SPHKAP: variants seen among roughly 807,000 people sequenced by gnomAD.
SPHKAP encodes A-kinase anchor protein SPHKAP.
A neutral mutation model predicts 137.5 loss-of-function variants in SPHKAP; 67 were observed. That is an observed-to-expected ratio of 0.49 (90% CI 0.40 to 0.60). SPHKAP has a LOEUF of 0.60. SPHKAP is among the 20% of genes least tolerant of loss of function. The probability of loss-of-function intolerance (pLI) is 0.00; values close to 1 mark genes in which losing one functional copy is unlikely to be tolerated. For missense variants in SPHKAP, 2,097 were observed against 2,069.3 expected (o/e 1.01, Z -0.26); for synonymous variants, 813 against 785.3 (o/e 1.04, Z -0.59).
At chr2:228,099,006 C>CT (rs1698098792) in intron 3 of SPHKAP, among the ~76,000 whole-genome samples, 1 of 152,100 alleles carries the variant, frequency 6.6e-6, no homozygotes, top group South Asian at 2.1e-4. Flanking sequence ...TTTATAGTCT[C>CT]TTTTTCTGTG....
intron 3 of SPHKAP, among the ~76,000 whole-genome samples, chr2:228,029,702 G>A (rs1280679069): frequency 6.6e-6 from 1 of 152,158 alleles, no homozygotes; most frequent in Non-Finnish European, 1.5e-5. Context: ...TCATGATCTA[G>A]GGAAGTTTGA....
At chr2:228,021,608 A>G in intron 6 of SPHKAP, 103 bp downstream of exon 6, 1 of 1,349,450 alleles carries the variant, frequency 7.4e-7, no homozygotes, top group Non-Finnish European at 1.0e-6. Context: ...AAAGACTGTG[A>G]TGTGTCAGCC....
intron 5 of SPHKAP, among the ~76,000 whole-genome samples, chr2:228,024,074 T>TTGA (rs1353267701): frequency 3.9e-5 from 6 of 152,218 alleles, no homozygotes; most frequent in Admixed American, 6.5e-5. Context: ...AATCCATGTG[T>TTGA]TGATGACATT....
intron 2 of SPHKAP, among the ~76,000 whole-genome samples, chr2:228,127,333 C>A (rs1699108113): frequency 1.3e-5 from 2 of 152,222 alleles, no homozygotes; most frequent in South Asian, 2.1e-4. Context: ...TTAATAAAGG[C>A]ATAAAACCAT....
At chr2:227,986,094 C>T (rs1054690035) in intron 11 of SPHKAP, among the ~76,000 whole-genome samples, 2 of 152,190 alleles carry the variant, frequency 1.3e-5, no homozygotes, top group Non-Finnish European at 2.9e-5. Context: ...GTGACTCTAA[C>T]GTGCACTAAA....
Position 228,019,533 on chromosome 2 carries a change from A to G in SPHKAP, c.1321T>C (p.Ser441Pro). The G allele has an allele frequency of 6.2e-7, 1 of 1,614,184 alleles. No individual in the cohort carries two copies. Among genetic ancestry groups the G allele is most frequent in the Non-Finnish European group, 8.5e-7 (1 of 1,180,028 alleles). The change falls in exon 7 of 12, where the codon TCT (serine) becomes CCT (proline). Residue 441 changes from serine (S) to proline (P), a missense_variant. Ser to Pro is a moderately conservative substitution (Grantham distance 74). Transcript: ENST00000392056. ...SCYSTKDTVV[S>P]RSWNELPKIV... ...TTGGGGAGCTCATTCCATGACCGAG[A>G]AACCACTGTATCTTTTGTGGAATAG...
chr2:228,090,644 G>T (rs542744983), intron 3 of SPHKAP, among the ~76,000 whole-genome samples: 3 of 152,144 alleles, frequency 2.0e-5, no homozygotes, highest in Non-Finnish European at 4.4e-5. Context: ...GTTGTGGGAG[G>T]TGTTTTGGTT....
intron 5 of SPHKAP, 82 bp from the exon 6 acceptor site, chr2:228,022,048 G>T: frequency 1.4e-6 from 2 of 1,455,084 alleles, no homozygotes; most frequent in Non-Finnish European, 1.8e-6. Context: ...TTTCCACCAA[G>T]CTCTCCTGTT....
chr2:228,177,989 A>G (rs997442132), intron 1 of SPHKAP, among the ~76,000 whole-genome samples: 1 of 152,200 alleles, frequency 6.6e-6, no homozygotes, highest in Non-Finnish European at 1.5e-5. Context: ...CTCTCTTAAC[A>G]TTCAAATTCA....
intron 11 of SPHKAP, among the ~76,000 whole-genome samples, chr2:227,984,144 A>G (rs1693116197): frequency 6.6e-6 from 1 of 152,074 alleles, no homozygotes; most frequent in African/African-American, 2.4e-5. Context: ...TACTAAAAAT[A>G]CAAAAATTAA....
At chr2:227,985,072 AC>A (rs1308528779) in intron 11 of SPHKAP, among the ~76,000 whole-genome samples, 1 of 152,006 alleles carries the variant, frequency 6.6e-6, no homozygotes, top group East Asian at 1.9e-4. Flanking sequence ...AAGCCCTAAC[AC>A]CAGCTTCTTT....
chr2:228,080,777 TAAAATAAAAC>T (rs1697342193), intron 3 of SPHKAP, among the ~76,000 whole-genome samples: 1 of 71,214 alleles, frequency 1.4e-5, no homozygotes, highest in South Asian at 4.7e-4. Context: ...TAAAATAAAA[TAAAATAAAAC>T]CAAACCACAA....
intron 1 of SPHKAP, among the ~76,000 whole-genome samples, chr2:228,166,679 A>G (rs959823405): frequency 2.0e-5 from 3 of 152,182 alleles, no homozygotes; most frequent in Admixed American, 2.0e-4. Flanking sequence ...AAATGTTATC[A>G]TTAATATTTT....
At chr2:228,021,293 G>A (rs542010726) in intron 6 of SPHKAP, among the ~76,000 whole-genome samples, 120 of 152,258 alleles carry the variant, frequency 7.9e-4, no homozygotes, top group African/African-American at 2.7e-3. Flanking sequence ...GATAACTGGC[G>A]CCAGATCTCA....
At chr2:228,081,759 G>A (rs1299889854) in intron 3 of SPHKAP, among the ~76,000 whole-genome samples, 2 of 152,154 alleles carry the variant, frequency 1.3e-5, no homozygotes, top group Non-Finnish European at 2.9e-5. Flanking sequence ...CATGTAAGTA[G>A]GGATTAGAAT....
intron 5 of SPHKAP, 92 bp downstream of exon 5, chr2:228,025,302 C>T: frequency 7.6e-7 from 1 of 1,314,214 alleles, no homozygotes; most frequent in Non-Finnish European, 1.0e-6. Flanking sequence ...GTTACAGAAG[C>T]TTATGTGTAG....
chr2:228,113,063 T>C (rs1698568981), intron 2 of SPHKAP, among the ~76,000 whole-genome samples: 1 of 152,152 alleles, frequency 6.6e-6, no homozygotes. Flanking sequence ...GAAGAAATGT[T>C]TGGACGAGAG....
chr2:228,022,005 G>C, intron 5 of SPHKAP, 39 bp from the exon 6 acceptor site: 1 of 1,531,508 alleles, frequency 6.5e-7, no homozygotes, highest in Non-Finnish European at 8.7e-7. Context: ...ATTCAAAAGG[G>C]AAAATAAAAG....
At chr2:228,170,233 G>T (rs970310328) in intron 1 of SPHKAP, among the ~76,000 whole-genome samples, 1 of 152,072 alleles carries the variant, frequency 6.6e-6, no homozygotes, top group Non-Finnish European at 1.5e-5. Context: ...GTTTGTTTGC[G>T]ATGGAGCCTA....
Sources: gnomAD v4.1 joint callset for allele counts (sites outside exome capture counted in the v4.1 genomes callset) on GRCh38, gnomAD v4.1.1 for gene constraint, MANE v1.5 for transcripts, NCBI Gene and HGNC (gene_info 2026-07-23, HGNC 2026-07-21) for gene names.